FNBP1: variants seen among roughly 807,000 people sequenced by gnomAD.
FNBP1 encodes the protein formin-binding protein 1.
Under a neutral mutation model 90.6 loss-of-function variants are expected in FNBP1, and 26 were observed. The ratio of observed to expected loss-of-function variants is 0.29; its 90% CI spans 0.21 to 0.40. FNBP1 has a LOEUF of 0.40. FNBP1 is among the 10% of genes least tolerant of loss of function. FNBP1 has a pLI of 1.00. For synonymous variants in FNBP1, 260 were observed against 265.2 expected (o/e 0.98, Z 0.19); for missense variants, 635 against 768.0 (o/e 0.83, Z 2.05).
At chr9:129,922,079 A>C (rs4836679) in intron 10 of FNBP1, among the ~76,000 whole-genome samples, 130,798 of 151,930 alleles carry the variant, frequency 0.86, 56,438 homozygotes, top group East Asian at 0.9. Flanking sequence ...AAAAAAGGAG[A>C]AAACCTTACT....
At chr9:130,003,695 G>A (rs1255992232) in intron 1 of FNBP1, among the ~76,000 whole-genome samples, 1 of 151,550 alleles carries the variant, frequency 6.6e-6, no homozygotes, top group Non-Finnish European at 1.5e-5. Context: ...AGGCCGAGAA[G>A]GGCAGATCAC....
At chr9:130,009,604 T>C (rs950600571) in intron 1 of FNBP1, among the ~76,000 whole-genome samples, 1 of 151,996 alleles carries the variant, frequency 6.6e-6, no homozygotes, top group Non-Finnish European at 1.5e-5. Flanking sequence ...AGATTGAGAC[T>C]ATCCTGGCCA....
chr9:130,022,711 G>A (rs1564598846), intron 1 of FNBP1, among the ~76,000 whole-genome samples: 1 of 151,876 alleles, frequency 6.6e-6, no homozygotes, highest in Non-Finnish European at 1.5e-5. Flanking sequence ...GGCCTGGTGT[G>A]CAGTATGCTG....
rs562487996 is a variant in FNBP1 at position 129,957,806 on chromosome 9, G to A, written c.409-342C>T. ...GAGCTCAAGCAATCCTCCCGCCTCT[G>A]CCTCCCAAATTGCTGGGATTACAGG... On this transcript the variant is annotated intron_variant, in intron 5 of 16. Coordinates refer to ENST00000446176, the MANE Select transcript of FNBP1 (RefSeq NM_015033.3). The surrounding 1 kb of genome is among the most constrained non-coding windows in gnomAD (Gnocchi z 4.3). 6.6e-6 allele frequency among the ~76,000 whole-genome samples: 1 copy of A among 152,216 alleles called. No individual in the cohort carries two copies. The highest frequency in any genetic ancestry group is 2.4e-5 in the African/African-American group (1 of 41,548).
chr9:129,933,616 A>T (rs1197577419), intron 6 of FNBP1: 1 of 152,216 alleles, frequency 6.6e-6, no homozygotes, highest in Admixed American at 6.5e-5. Context: ...AGCTGTGTAG[A>T]AGATAATAAA....
At chr9:130,045,949 G>A (rs909372256), upstream of FNBP1, among the ~76,000 whole-genome samples, 4 of 152,136 alleles carry the variant, frequency 2.6e-5, no homozygotes, top group East Asian at 3.9e-4. Context: ...TTTCACCAGG[G>A]GTACTCTAAA....
intron 4 of FNBP1, among the ~76,000 whole-genome samples, chr9:129,972,787 C>T (rs1001670155): frequency 6.6e-6 from 1 of 152,166 alleles, no homozygotes; most frequent in African/African-American, 2.4e-5. Flanking sequence ...CCACCTTGGC[C>T]TCCCAATGTG....
intron 1 of FNBP1, among the ~76,000 whole-genome samples, chr9:130,026,425 C>T (rs1301893678): frequency 1.3e-5 from 2 of 151,694 alleles, no homozygotes; most frequent in African/African-American, 2.4e-5. Flanking sequence ...ACCTGGGAGG[C>T]GGAGGTTGCA....
chr9:129,905,292 G>GTATA (rs71497501), intron 12 of FNBP1, among the ~76,000 whole-genome samples: 36 of 56,298 alleles, frequency 6.4e-4, no homozygotes, highest in East Asian at 1.7e-3. Context: ...GTGTGTGTGT[G>GTATA]TGTATATATA....
chr9:129,944,180 A>T (rs574094692), intron 6 of FNBP1, among the ~76,000 whole-genome samples: 1 of 152,018 alleles, frequency 6.6e-6, no homozygotes, highest in South Asian at 2.1e-4. Context: ...TTACAGTCCT[A>T]CTGGTGTTTC....
chr9:130,032,460 C>G (rs930817181), intron 1 of FNBP1, among the ~76,000 whole-genome samples: 1 of 152,134 alleles, frequency 6.6e-6, no homozygotes, highest in Non-Finnish European at 1.5e-5. Context: ...TATGAGCCAC[C>G]GTGCCTGGCC....
chr9:129,914,549 T>G (rs2039912865), intron 11 of FNBP1, among the ~76,000 whole-genome samples: 1 of 151,910 alleles, frequency 6.6e-6, no homozygotes, highest in Admixed American at 6.6e-5. Context: ...TCTCCCAAGT[T>G]CATACTGCAG....
At chr9:130,040,015 C>G (rs2132402046) in intron 1 of FNBP1, among the ~76,000 whole-genome samples, 1 of 152,324 alleles carries the variant, frequency 6.6e-6, no homozygotes, top group African/African-American at 2.4e-5. Flanking sequence ...CCATCATTAT[C>G]TCATTATACA....
At chr9:130,052,154 A>G in the FNBP1 span, among the ~76,000 whole-genome samples, 2 of 152,228 alleles carry the variant, frequency 1.3e-5, no homozygotes, top group African/African-American at 4.8e-5. Flanking sequence ...GTTTTCCCTC[A>G]TTCTTATTCC....
intron 1 of FNBP1, among the ~76,000 whole-genome samples, chr9:129,996,088 G>A (rs1269649361): frequency 1.3e-5 from 2 of 152,138 alleles, no homozygotes; most frequent in South Asian, 2.1e-4. Flanking sequence ...TCTGCTTCCC[G>A]GAATTAAACA....
Position 129,957,590 on chromosome 9 carries a change from C to A in FNBP1, c.409-126G>T. 2 of 750,512 alleles carry A rather than the reference C, an allele frequency of 2.7e-6. No individual in the cohort carries two copies. Among genetic ancestry groups the A allele is most frequent in the South Asian group, 3.8e-5 (2 of 52,502 alleles). The allele number at this position is 750,512 out of a possible 1,614,324, so 46.5% of individuals were successfully genotyped here. ...TTCTTCAGTCAGGGTCTCACTTTGT[C>A]ACCCAGGCTGGAGTGCAGTGGCGCC... is the stretch of plus-strand genomic sequence containing the variant. On this transcript the variant is annotated intron_variant, in intron 5 of 16. Coordinates refer to ENST00000446176, the MANE Select transcript of FNBP1 (RefSeq NM_015033.3). The surrounding 1 kb of genome is among the most constrained non-coding windows in gnomAD (Gnocchi z 4.3).
intron 2 of FNBP1, among the ~76,000 whole-genome samples, chr9:129,991,990 G>C (rs1434546162): frequency 6.6e-6 from 1 of 152,174 alleles, no homozygotes; most frequent in African/African-American, 2.4e-5. Flanking sequence ...TGGAGACTTT[G>C]AGCAAGCTGT....
chr9:129,907,617 G>GTGTGTC (rs2038382807), intron 12 of FNBP1, among the ~76,000 whole-genome samples: 1 of 81,186 alleles, frequency 1.2e-5, no homozygotes, highest in Non-Finnish European at 2.7e-5. Flanking sequence ...GTGTGTGTGT[G>GTGTGTC]TGTGTGTGTT....
chr9:129,957,116 C>T lies in FNBP1; in HGVS notation c.513+244G>A, dbSNP rs936713552. Among the ~76,000 whole-genome samples, 1 of 150,962 alleles carries T rather than the reference C, an allele frequency of 6.6e-6. No individual in the cohort carries two copies. The highest frequency in any genetic ancestry group is 1.5e-5 in the Non-Finnish European group (1 of 67,876). On this transcript the variant is annotated intron_variant, in intron 6 of 16. Coordinates refer to ENST00000446176, the MANE Select transcript of FNBP1 (RefSeq NM_015033.3). This position sits in a 1 kb window ranked among gnomAD's most constrained non-coding sequence, Gnocchi z 4.3. ...GCAGTGGCGTGATCTTGGCTCACTG[C>T]AGCCAACGCCTCCTGGGCTCAAGCG...
Sources: allele counts gnomAD v4.1 joint callset (sites outside exome capture counted in the v4.1 genomes callset), GRCh38; gene constraint gnomAD v4.1.1; non-coding constraint Gnocchi (gnomAD v3.1); transcripts MANE v1.5; gene names NCBI Gene and HGNC (gene_info 2026-07-23, HGNC 2026-07-21).